The following SLC4A4 variants were observed in gnomAD, a reference collection of about 807,000 sequenced individuals.
SLC4A4 encodes the protein electrogenic sodium bicarbonate cotransporter 1.
Under a neutral mutation model 111.5 loss-of-function variants are expected in SLC4A4, and 27 were observed. The observed-to-expected ratio is 0.24, with a 90% CI of 0.18 to 0.33. The LOEUF (loss-of-function observed/expected upper bound fraction) is 0.33. Ranked by LOEUF, SLC4A4 falls within the 10% of genes least tolerant of loss-of-function variation. SLC4A4 has a pLI of 1.00. For missense variants in SLC4A4, 909 were observed against 1,315.5 expected, an observed-to-expected ratio of 0.69 and a Z score of 4.78; for synonymous variants, 443 against 463.4, an observed-to-expected ratio of 0.96 and a Z score of 0.57.
At chr4:71,121,365 C>T (rs757274847) in intron 2 of SLC4A4, among the ~76,000 whole-genome samples, 7 of 152,234 alleles carry the variant, frequency 4.6e-5, no homozygotes, top group African/African-American at 1.2e-4. Context: ...AGGCACCAGG[C>T]GTGGGACTGG....
chr4:71,141,560 C>G (rs1743998366), intron 2 of SLC4A4, among the ~76,000 whole-genome samples: 1 of 152,190 alleles, frequency 6.6e-6, no homozygotes. Flanking sequence ...TGCTCCCTCT[C>G]ACTTCACTTG....
At chr4:71,180,677 A>G (rs1240877303) in intron 2 of SLC4A4, among the ~76,000 whole-genome samples, 1 of 152,186 alleles carries the variant, frequency 6.6e-6, no homozygotes, top group Admixed American at 6.6e-5. Flanking sequence ...TTAGAATGGC[A>G]ATCATTAAAA....
intron 16 of SLC4A4, among the ~76,000 whole-genome samples, chr4:71,504,655 G>T: frequency 9.5e-6 from 1 of 105,200 alleles, no homozygotes. Context: ...AAGACTTATT[G>T]TGTTTCATGG....
intron 24 of SLC4A4, among the ~76,000 whole-genome samples, 154 bp from the exon 25 acceptor site, chr4:71,566,848 CTA>C (rs1737516328): frequency 6.6e-6 from 1 of 151,814 alleles, no homozygotes; most frequent in Non-Finnish European, 1.5e-5. Flanking sequence ...CTTCATCACA[CTA>C]GAGTCTTAGC....
At position 71,229,592 on chromosome 4, in the gene SLC4A4, G is replaced by C. The variant is rs138865471; in HGVS notation, c.-1-6984G>C. Reference sequence around the variant, plus strand: ...TGTGTAAATTTCCAGGCTGATTAGGGTGCTCCTGAGCTCTGGGAAGGAGAT... The same window carrying C: ...TGTGTAAATTTCCAGGCTGATTAGGCTGCTCCTGAGCTCTGGGAAGGAGAT... On this transcript the variant is annotated intron_variant, in intron 1 of 25. Coordinates refer to ENST00000264485, the MANE Select transcript of SLC4A4 (RefSeq NM_001098484.3). Among the ~76,000 whole-genome samples the C allele has an allele frequency of 1.7e-4, 26 of 152,232 alleles. No homozygotes were observed. The East Asian group carries it at 5.0e-3, about 29-fold the overall frequency.
chr4:71,453,796 G>A, intron 12 of SLC4A4, 127 bp downstream of exon 12: 1 of 858,102 alleles, frequency 1.2e-6, no homozygotes, highest in Non-Finnish European at 1.9e-6. Context: ...GCTGGATGCT[G>A]CATTTTACTT....
chr4:71,475,582 A>C (rs1195724255), intron 14 of SLC4A4, among the ~76,000 whole-genome samples: 1 of 151,878 alleles, frequency 6.6e-6, no homozygotes, highest in Non-Finnish European at 1.5e-5. Flanking sequence ...AATTCCTGCT[A>C]CCTCTAGTTG....
intron 2 of SLC4A4, among the ~76,000 whole-genome samples, chr4:71,138,911 C>T (rs1456409145): frequency 3.3e-5 from 5 of 151,938 alleles, no homozygotes; most frequent in Admixed American, 6.6e-5. Flanking sequence ...TGGTGGGCGC[C>T]TGCAGTCCCA....
At chr4:71,232,147 G>T (rs1719476056) in intron 1 of SLC4A4, among the ~76,000 whole-genome samples, 1 of 152,170 alleles carries the variant, frequency 6.6e-6, no homozygotes, top group African/African-American at 2.4e-5. Flanking sequence ...CAGGGAAGAG[G>T]CTGCTTTGAG....
At chr4:71,547,428 C>T (rs1303066443) in intron 19 of SLC4A4, among the ~76,000 whole-genome samples, 3 of 152,072 alleles carry the variant, frequency 2.0e-5, no homozygotes, top group African/African-American at 4.8e-5. Context: ...CTTCTTTCTT[C>T]GTGAATTCAA....
At chr4:71,526,197 T>A (rs962456921) in intron 16 of SLC4A4, among the ~76,000 whole-genome samples, 13 of 152,054 alleles carry the variant, frequency 8.5e-5, no homozygotes, top group African/African-American at 3.1e-4. Context: ...ATAACAGTGG[T>A]CTGGGGAAAA....
At chr4:71,337,881 G>C (rs1198641343) in intron 3 of SLC4A4, among the ~76,000 whole-genome samples, 1 of 151,818 alleles carries the variant, frequency 6.6e-6, no homozygotes, top group Non-Finnish European at 1.5e-5. Context: ...CCAGGCTGGA[G>C]TGCAATGGCA....
intron 2 of SLC4A4, among the ~76,000 whole-genome samples, chr4:71,105,272 G>A (rs1742875875): frequency 6.7e-6 from 1 of 150,076 alleles, no homozygotes; most frequent in African/African-American, 2.5e-5. Context: ...AAATAAAAGA[G>A]GATACAAACA....
chr4:71,164,349 C>T (rs1184038375), intron 2 of SLC4A4, among the ~76,000 whole-genome samples: 2 of 146,370 alleles, frequency 1.4e-5, no homozygotes, highest in East Asian at 2.0e-4. Flanking sequence ...CACTGCACTC[C>T]AGCCTGGGGA....
chr4:71,352,557 T>C (rs140340894), intron 5 of SLC4A4, among the ~76,000 whole-genome samples: 80 of 152,256 alleles, frequency 5.3e-4, no homozygotes, highest in African/African-American at 1.9e-3. Context: ...TTGGGGAGTT[T>C]TAATTAAAGT....
chr4:71,491,659 C>T (rs1269479174), intron 15 of SLC4A4, among the ~76,000 whole-genome samples: 1 of 151,754 alleles, frequency 6.6e-6, no homozygotes, highest in Non-Finnish European at 1.5e-5. Context: ...CACTCACAAC[C>T]CTGACCTGGA....
intron 1 of SLC4A4, among the ~76,000 whole-genome samples, chr4:71,079,788 A>AAC (rs397787204): frequency 6.6e-6 from 1 of 150,498 alleles, no homozygotes; most frequent in African/African-American, 2.4e-5. Context: ...AAAAAAAAAA[A>AAC]GATGTAAAGA....
intron 5 of SLC4A4, among the ~76,000 whole-genome samples, chr4:71,353,634 G>A (rs1312366605): frequency 1.3e-5 from 2 of 152,182 alleles, no homozygotes; most frequent in Non-Finnish European, 2.9e-5. Flanking sequence ...AGTGGGTGAG[G>A]TGGAGTTGTT....
intron 6 of SLC4A4, among the ~76,000 whole-genome samples, chr4:71,383,362 A>G (rs534763962): frequency 2.0e-5 from 3 of 152,172 alleles, no homozygotes; most frequent in Non-Finnish European, 4.4e-5. Flanking sequence ...CATTTTTCCT[A>G]GAAGCTCTTG....
Sources: gnomAD v4.1 joint callset for allele counts (sites outside exome capture counted in the v4.1 genomes callset) on GRCh38, gnomAD v4.1.1 for gene constraint, MANE v1.5 for transcripts, NCBI Gene and HGNC (gene_info 2026-07-23, HGNC 2026-07-21) for gene names.